The following CSMD2 variants were observed in gnomAD, a reference collection of about 807,000 sequenced individuals.
CSMD2 encodes CUB and Sushi multiple domains 2, also known as CUB and sushi domain-containing protein 2.
A neutral mutation model predicts 398.5 loss-of-function variants in CSMD2; 130 were observed. The observed-to-expected ratio is 0.33, with a 90% CI of 0.28 to 0.38. CSMD2 has a LOEUF of 0.38. Ranked by LOEUF, CSMD2 falls within the 10% of genes least tolerant of loss-of-function variation. The probability of loss-of-function intolerance (pLI) is 1.00; values close to 1 mark genes in which losing one functional copy is unlikely to be tolerated. For synonymous variants in CSMD2, 1,828 were observed against 1,908.5 expected, an observed-to-expected ratio of 0.96 and a Z score of 1.10; for missense variants, 3,829 against 4,764.9, an observed-to-expected ratio of 0.80 and a Z score of 5.78.
chr1:34,038,156 C>T (rs756166686), intron 2 of CSMD2, among the ~76,000 whole-genome samples: 45 of 152,128 alleles, frequency 3.0e-4, no homozygotes, highest in Admixed American at 2.6e-3. Context: ...CTGAAGACCC[C>T]GCAGTTAGGA....
At chr1:33,674,962 T>C (rs1296787586) in intron 25 of CSMD2, among the ~76,000 whole-genome samples, 1 of 152,120 alleles carries the variant, frequency 6.6e-6, no homozygotes, top group African/African-American at 2.4e-5. Context: ...CAAAGCAGTG[T>C]GTAGAGGGAA....
chr1:33,968,733 G>GTGGGTCCTC (rs1645649059), intron 3 of CSMD2, among the ~76,000 whole-genome samples: 2 of 152,176 alleles, frequency 1.3e-5, no homozygotes, highest in African/African-American at 4.8e-5. Context: ...ACCCTGCACT[G>GTGGGTCCTC]AGGACCCACA....
intron 2 of CSMD2, among the ~76,000 whole-genome samples, chr1:34,063,573 G>A (rs1439222050): frequency 6.6e-5 from 10 of 152,210 alleles, no homozygotes. Flanking sequence ...TGATGCAAGA[G>A]GTAGATTCCC....
chr1:33,657,725 A>C (rs1314120301), intron 27 of CSMD2, among the ~76,000 whole-genome samples: 1 of 152,208 alleles, frequency 6.6e-6, no homozygotes, highest in Non-Finnish European at 1.5e-5. Context: ...AATTTTAGCA[A>C]GTGAGGAATT....
intron 44 of CSMD2, among the ~76,000 whole-genome samples, chr1:33,597,658 GT>G (rs1392247126): frequency 6.6e-6 from 1 of 152,206 alleles, no homozygotes; most frequent in Non-Finnish European, 1.5e-5. Flanking sequence ...TGGGAAGAGT[GT>G]AAATGGTTAT....
In CSMD2 at chr1:33,816,668, T is replaced by C. The variant is rs146224026; in HGVS notation, c.1324+3045A>G. 2.0e-3 allele frequency among the ~76,000 whole-genome samples: 306 copies of C among 152,338 alleles called. 1 individual carries two copies. The highest frequency in any genetic ancestry group is 6.8e-3 in the African/African-American group (281 of 41,576). On this transcript the variant is annotated intron_variant, in intron 9 of 70. Transcript: ENST00000373381. The stretch of plus-strand genomic sequence containing the variant: ...TTCACATTGCCCTCAATCTCCTTTG[T>C]GTGATGAAAATTTTCTAGGAGTCAA...
At chr1:34,097,465 G>C (rs1427005029) in intron 1 of CSMD2, among the ~76,000 whole-genome samples, 6 of 119,110 alleles carry the variant, frequency 5.0e-5, no homozygotes, top group Admixed American at 9.0e-5. Flanking sequence ...TACCATCAGA[G>C]TGAACAGGCA....
At chr1:33,858,407 G>A (rs769115083) in intron 5 of CSMD2, among the ~76,000 whole-genome samples, 38 of 152,182 alleles carry the variant, frequency 2.5e-4, no homozygotes, top group Non-Finnish European at 5.4e-4. Context: ...CCCAGCCAAG[G>A]GAGTTCCTAG....
intron 4 of CSMD2, among the ~76,000 whole-genome samples, chr1:33,923,445 G>GATGCCA (rs569481088): frequency 2.0e-3 from 310 of 152,266 alleles, no homozygotes; most frequent in Non-Finnish European, 3.8e-3. Context: ...AAGCTGAGCA[G>GATGCCA]ATGCCAATGC....
intron 5 of CSMD2, among the ~76,000 whole-genome samples, chr1:33,865,904 T>C (rs768805078): frequency 2.0e-4 from 31 of 152,236 alleles, no homozygotes; most frequent in Non-Finnish European, 3.7e-4. Context: ...GTAGGCAACA[T>C]TCCATACCAA....
intron 25 of CSMD2, among the ~76,000 whole-genome samples, chr1:33,665,413 C>A (rs1644273813): frequency 6.9e-6 from 1 of 143,994 alleles, no homozygotes; most frequent in Admixed American, 7.0e-5. Context: ...AAACTTTAAT[C>A]AAAACTTTAA....
chr1:34,084,282 A>G (rs912023440), intron 2 of CSMD2, among the ~76,000 whole-genome samples: 4 of 152,204 alleles, frequency 2.6e-5, no homozygotes, highest in African/African-American at 7.2e-5. Context: ...CACAGGCCAG[A>G]CCAGTCTCTG....
At chr1:33,593,558 TACTG>T (rs767821712) in intron 44 of CSMD2, among the ~76,000 whole-genome samples, 5 of 152,176 alleles carry the variant, frequency 3.3e-5, no homozygotes, top group South Asian at 2.1e-4. Context: ...TTGTGAGACT[TACTG>T]ACTATCATGA....
At chr1:34,092,748 G>C (rs570232144) in intron 1 of CSMD2, among the ~76,000 whole-genome samples, 5 of 145,392 alleles carry the variant, frequency 3.4e-5, no homozygotes, top group East Asian at 1.9e-4. Flanking sequence ...CACCTGGCTC[G>C]GAGGGTCCTA....
chr1:33,545,100 A>G (rs1166506368), intron 57 of CSMD2, among the ~76,000 whole-genome samples: 1 of 152,000 alleles, frequency 6.6e-6, no homozygotes, highest in African/African-American at 2.4e-5. Context: ...TCCCAATTCC[A>G]TTCCACTTGT....
At chr1:34,152,521 C>A (rs1289242037) in intron 1 of CSMD2, among the ~76,000 whole-genome samples, 1 of 152,148 alleles carries the variant, frequency 6.6e-6, no homozygotes, top group South Asian at 2.1e-4. Flanking sequence ...TTCTTCCAGA[C>A]CTGGAACAAC....
At chr1:33,566,703 T>A (rs1365044316) in intron 53 of CSMD2, among the ~76,000 whole-genome samples, 1 of 152,128 alleles carries the variant, frequency 6.6e-6, no homozygotes, top group Non-Finnish European at 1.5e-5. Context: ...AAAGTAATCT[T>A]TAAAGGCTAA....
In CSMD2 at chr1:33,625,159, G is replaced by A. The variant is rs773685292; in HGVS notation, c.5392C>T (p.Arg1798Cys). Residue 1798 changes from arginine (R) to cysteine (C), a missense_variant, in exon 34 of 71, where the codon CGC (arginine) becomes TGC (cysteine). By Grantham distance (180) the Arg-to-Cys change is radical (BLOSUM62 -3). Coordinates refer to ENST00000373381, the MANE Select transcript of CSMD2 (RefSeq NM_001281956.2). Reference sequence around the variant, plus strand: ...GCATAGCCGGAGTTGCATTCGAAGCGGACGATGGCCCCCACCGAGAAGTCA... The same window carrying A: ...GCATAGCCGGAGTTGCATTCGAAGCAGACGATGGCCCCCACCGAGAAGTCA... Reference protein sequence around the residue: ...GSDFSVGAIVRFECNSGYALQ... With the variant: ...GSDFSVGAIVCFECNSGYALQ... The A allele has an allele frequency of 2.5e-6, 4 of 1,591,378 alleles. No homozygotes were observed. Among genetic ancestry groups the A allele is most frequent in the Admixed American group, 1.7e-5 (1 of 57,864 alleles).
chr1:34,043,692 CT>C (rs1296564788), intron 2 of CSMD2, among the ~76,000 whole-genome samples: 2 of 152,218 alleles, frequency 1.3e-5, no homozygotes, highest in Non-Finnish European at 2.9e-5. Context: ...TAATCCCTGT[CT>C]GGCATCTGGG....
Sources: gnomAD v4.1 joint callset for allele counts (sites outside exome capture counted in the v4.1 genomes callset) on GRCh38, gnomAD v4.1.1 for gene constraint, MANE v1.5 for transcripts, NCBI Gene and HGNC (gene_info 2026-07-23, HGNC 2026-07-21) for gene names.